Variants in SULF1 observed in about 807,000 individuals in gnomAD.
SULF1 encodes extracellular sulfatase Sulf-1.
SULF1 carries 46 observed loss-of-function variants against 110.5 expected under a neutral mutation model. That is an observed-to-expected ratio of 0.42 (90% CI 0.33 to 0.53). The LOEUF is 0.53. Ranked by LOEUF, SULF1 falls within the 20% of genes least tolerant of loss-of-function variation. The pLI is 0.12. For missense variants in SULF1, 941 were observed against 1,094.2 expected, an observed-to-expected ratio of 0.86 and a Z score of 1.98; for synonymous variants, 371 against 387.1, an observed-to-expected ratio of 0.96 and a Z score of 0.49.
chr8:69,532,378 CTT>C (rs970139982), intron 3 of SULF1, among the ~76,000 whole-genome samples: 7 of 148,382 alleles, frequency 4.7e-5, no homozygotes, highest in African/African-American at 1.7e-4. Flanking sequence ...CCCTTCAATT[CTT>C]TTTTTTTTAA....
At chr8:69,616,166 A>ATGTG (rs1809112335) in intron 13 of SULF1, among the ~76,000 whole-genome samples, 1 of 146,416 alleles carries the variant, frequency 6.8e-6, no homozygotes, top group African/African-American at 2.5e-5. Flanking sequence ...GTATATATAC[A>ATGTG]TATATATGTG....
intron 22 of SULF1, among the ~76,000 whole-genome samples, chr8:69,647,838 G>T (rs757299307): frequency 6.6e-6 from 1 of 151,990 alleles, no homozygotes; most frequent in Non-Finnish European, 1.5e-5. Flanking sequence ...GTTGCAATGA[G>T]CCAAGATCGC....
At chr8:69,648,199 A>G (rs1213320134) in intron 22 of SULF1, among the ~76,000 whole-genome samples, 1 of 151,850 alleles carries the variant, frequency 6.6e-6, no homozygotes, top group African/African-American at 2.4e-5. Context: ...AAAGGAGCAG[A>G]TGTATTAACG....
intron 8 of SULF1, among the ~76,000 whole-genome samples, chr8:69,595,046 TA>T (rs1355949814): frequency 6.6e-6 from 1 of 152,228 alleles, no homozygotes; most frequent in African/African-American, 2.4e-5. Flanking sequence ...TTCACCTCAC[TA>T]AATAGCTGAC....
rs1333574898 is a variant in SULF1, at chr8:69,547,195, T to TG, written c.-133-16339dup. ...TGTGGCAGGAGGAGGTGGGGTGGGG[T>TG]GGGGGAGGACTAATAACACCTGCTC... On this transcript the variant is annotated intron_variant, in intron 3 of 22. Transcript: ENST00000402687. 2.7e-5 allele frequency among the ~76,000 whole-genome samples: 4 copies of TG among 147,208 alleles called. No individual in the cohort carries two copies. In the South Asian group the frequency reaches 9.3e-4, roughly 34 times the overall value.
At chr8:69,513,199 C>T (rs1011702296) in intron 3 of SULF1, among the ~76,000 whole-genome samples, 2 of 152,150 alleles carry the variant, frequency 1.3e-5, no homozygotes, top group African/African-American at 4.8e-5. Context: ...TGTGAACTGC[C>T]AAAAAGAGGC....
At chr8:69,477,862 CTTTG>C (rs1349578859) in intron 1 of SULF1, among the ~76,000 whole-genome samples, 1 of 151,478 alleles carries the variant, frequency 6.6e-6, no homozygotes, top group Non-Finnish European at 1.5e-5. Context: ...AAGCATTCTC[CTTTG>C]TTTTTTTTTG....
At chr8:69,650,794 A>C (rs1812278610) in intron 22 of SULF1, among the ~76,000 whole-genome samples, 1 of 152,086 alleles carries the variant, frequency 6.6e-6, no homozygotes, top group Admixed American at 6.5e-5. Flanking sequence ...AAGCATCCTC[A>C]TCATTTTTTG....
chr8:69,617,399 A>T (rs1415708124), intron 13 of SULF1, among the ~76,000 whole-genome samples: 1 of 36,212 alleles, frequency 2.8e-5, no homozygotes, highest in Admixed American at 3.3e-4. Flanking sequence ...ATATATATAT[A>T]TATATATATA....
At chr8:69,541,808 G>A (rs949354637) in intron 3 of SULF1, among the ~76,000 whole-genome samples, 26 of 152,160 alleles carry the variant, frequency 1.7e-4, no homozygotes, top group African/African-American at 6.0e-4. Flanking sequence ...TTGTTTTCTA[G>A]AGTGGTTACT....
Position 69,484,005 on chromosome 8 carries a change from G to A in SULF1, c.-390-11760G>A, listed in dbSNP as rs565530177. On this transcript the variant is annotated intron_variant, in intron 1 of 22. Transcript: ENST00000260128. ...AATTATCTTGGTCCCAGTCTTACAA[G>A]CAAGGAAATAGGCTCTGAGAGTTTG... is the stretch of plus-strand genomic sequence containing the variant. Among the ~76,000 whole-genome samples, 176 of 152,214 alleles carry A rather than the reference G, an allele frequency of 1.2e-3. 3 individuals carry two copies. In the South Asian group the frequency reaches 0.035, roughly 30 times the overall value.
intron 13 of SULF1, 73 bp from the exon 14 acceptor site, chr8:69,620,962 A>C: frequency 7.5e-7 from 1 of 1,331,490 alleles, no homozygotes; most frequent in Non-Finnish European, 1.0e-6. Flanking sequence ...AAAGAAAAAA[A>C]CTAAGGCAGC....
intron 8 of SULF1, among the ~76,000 whole-genome samples, chr8:69,598,541 G>C (rs953215355): frequency 1.3e-5 from 2 of 152,024 alleles, no homozygotes; most frequent in Non-Finnish European, 2.9e-5. Context: ...ACAGGCGCCC[G>C]CCACCATGCC....
intron 3 of SULF1, among the ~76,000 whole-genome samples, chr8:69,536,628 C>T (rs901446962): frequency 6.6e-6 from 1 of 152,164 alleles, no homozygotes; most frequent in Admixed American, 6.6e-5. Flanking sequence ...AAAATAATCA[C>T]TTAACAAACA....
chr8:69,483,304 A>G (rs888938710), intron 1 of SULF1, among the ~76,000 whole-genome samples: 1 of 152,214 alleles, frequency 6.6e-6, no homozygotes, highest in African/African-American at 2.4e-5. Context: ...TTTATATATC[A>G]TACTACTTAT....
At chr8:69,563,696 G>A (rs1297907383) in intron 4 of SULF1, 85 bp downstream of exon 4, 2 of 315,080 alleles carry the variant, frequency 6.3e-6, no homozygotes, top group Non-Finnish European at 1.2e-5. Flanking sequence ...AGGAAAAGTT[G>A]GAATGAGAAT....
In SULF1 at chr8:69,576,063, C is replaced by T; in HGVS notation, c.266C>T (p.Pro89Leu). 1.2e-6 allele frequency: 2 copies of T among 1,614,188 alleles called. No individual in the cohort carries two copies. The highest frequency in any genetic ancestry group is 1.7e-6 in the Non-Finnish European group (2 of 1,180,046). ...TTTGTGACTACACCCATGTGCTGCCCGTCACGGTCCTCCATGCTCACCGGG... is the reference window on the plus strand; with the variant it reads ...TTTGTGACTACACCCATGTGCTGCCTGTCACGGTCCTCCATGCTCACCGGG... The part of the protein sequence containing the change: ...NAFVTTPMCC[P>L]SRSSMLTGKY... The change falls in exon 6 of 23, where the codon CCG becomes CTG. Residue 89 changes from proline to leucine, a missense_variant. Around this residue, in one of 3 missense-constraint regions of SULF1, gnomAD observed 822 missense variants for 934.3 expected, o/e 0.88. Transcript: ENST00000402687.
chr8:69,590,455 G>T (rs566726284), intron 8 of SULF1, among the ~76,000 whole-genome samples: 1 of 152,156 alleles, frequency 6.6e-6, no homozygotes, highest in South Asian at 2.1e-4. Flanking sequence ...ATGAGCCACC[G>T]CACCCAGCCT....
intron 8 of SULF1, among the ~76,000 whole-genome samples, chr8:69,599,754 T>A (rs1807641342): frequency 2.0e-5 from 3 of 152,312 alleles, no homozygotes; most frequent in East Asian, 3.9e-4. Context: ...ATAGATATGT[T>A]ACGTACCCAT....
Sources: allele counts gnomAD v4.1 joint callset (sites outside exome capture counted in the v4.1 genomes callset), GRCh38; gene constraint gnomAD v4.1.1; regional missense constraint gnomAD v4.1.1; transcripts MANE v1.5; gene names NCBI Gene and HGNC (gene_info 2026-07-23, HGNC 2026-07-21).